The following KIF13A variants were observed in gnomAD, a reference collection of about 807,000 sequenced individuals.
The protein encoded by KIF13A is kinesin-like protein KIF13A.
A neutral mutation model predicts 212.2 loss-of-function variants in KIF13A; 79 were observed. That is an observed-to-expected ratio of 0.37 (90% CI 0.31 to 0.45). KIF13A has a LOEUF of 0.45. Among genes scored for constraint, KIF13A ranks in the 20% least tolerant of loss-of-function variants. The probability of loss-of-function intolerance (pLI) is 1.00; values close to 1 mark genes in which losing one functional copy is unlikely to be tolerated. For synonymous variants in KIF13A, 789 were observed against 808.6 expected (o/e 0.98, Z 0.41); for missense variants, 1,901 against 2,209.0 (o/e 0.86, Z 2.79).
chr6:17,825,208 C>T lies in KIF13A; in HGVS notation c.1786+560G>A, dbSNP rs947609658. 3.3e-5 allele frequency among the ~76,000 whole-genome samples: 5 copies of T among 152,138 alleles called. No individual in the cohort carries two copies. The highest frequency in any genetic ancestry group is 5.9e-5 in the Non-Finnish European group (4 of 68,030). ...ATAAGAAAGAAAAGGTAAAGGAACACGGACTTTTAGATGTGAAACTTGGTA... is the reference window on the plus strand; with the variant it reads ...ATAAGAAAGAAAAGGTAAAGGAACATGGACTTTTAGATGTGAAACTTGGTA... On this transcript the variant is annotated intron_variant, in intron 16 of 38. Coordinates refer to ENST00000259711, the MANE Select transcript of KIF13A (RefSeq NM_022113.6). This position sits in a 1 kb window ranked among gnomAD's most constrained non-coding sequence, Gnocchi z 4.5.
chr6:17,937,805 A>C (rs533195675), intron 2 of KIF13A, among the ~76,000 whole-genome samples: 1 of 150,166 alleles, frequency 6.7e-6, no homozygotes, highest in Non-Finnish European at 1.5e-5. Context: ...GCTGGAGTAC[A>C]GTGGCACAAT....
Position 17,849,882 on chromosome 6 carries a change from T to A in KIF13A, c.718-393A>T, listed in dbSNP as rs1767459030. Among the ~76,000 whole-genome samples the A allele has an allele frequency of 6.6e-6, 1 of 152,234 alleles. No homozygotes were observed. Among genetic ancestry groups the A allele is most frequent in the Admixed American group, 6.5e-5 (1 of 15,282 alleles). ...CCTCTTTAATATCCCTCAATGGCTA[T>A]GAAGCTGACATGTTTCCATGGGAAT... is the stretch of plus-strand genomic sequence containing the variant. On this transcript the variant is annotated intron_variant, in intron 8 of 38. Coordinates refer to ENST00000259711, the MANE Select transcript of KIF13A (RefSeq NM_022113.6). The surrounding 1 kb of genome is among the most constrained non-coding windows in gnomAD (Gnocchi z 5.7).
chr6:17,844,338 A>G (rs1439574298), intron 9 of KIF13A, among the ~76,000 whole-genome samples: 1 of 152,208 alleles, frequency 6.6e-6, no homozygotes, highest in Non-Finnish European at 1.5e-5. Flanking sequence ...TGGTAGAACA[A>G]TAGAGTACAT....
At chr6:17,813,584 C>G (rs553202805) in intron 17 of KIF13A, among the ~76,000 whole-genome samples, 37 of 152,286 alleles carry the variant, frequency 2.4e-4, no homozygotes, top group Non-Finnish European at 4.9e-4. Context: ...ATAATTGACT[C>G]TCTTCTCTTC....
At position 17,967,563 on chromosome 6, in the gene KIF13A, C is replaced by G. The variant is rs7755583; in HGVS notation, c.146+19491G>C. ...TCCGAAGTCTTTCTGGAAGACTGCA[C>G]GTGTCAGGAGCAGAGATGCCTGGTT... On this transcript the variant is annotated intron_variant, in intron 2 of 38. Coordinates refer to ENST00000259711, the MANE Select transcript of KIF13A (RefSeq NM_022113.6). This position sits in a 1 kb window ranked among gnomAD's most constrained non-coding sequence, Gnocchi z 4.1. Among the ~76,000 whole-genome samples the G allele has an allele frequency of 0.22, 33,632 of 152,166 alleles. 4,283 individuals are homozygous for G. Among genetic ancestry groups the G allele is most frequent in the African/African-American group, 0.35 (14,636 of 41,482 alleles).
chr6:17,915,423 G>A lies in KIF13A; in HGVS notation c.147-17243C>T, dbSNP rs1327218083. ...TTTTAAAAGCAGCAGAGTAACACACGCGATGCAAGGCCCCTCATTTTCAGC... is the reference window on the plus strand; with the variant it reads ...TTTTAAAAGCAGCAGAGTAACACACACGATGCAAGGCCCCTCATTTTCAGC... On this transcript the variant is annotated intron_variant, in intron 2 of 38. Transcript: ENST00000259711. This position sits in a 1 kb window ranked among gnomAD's most constrained non-coding sequence, Gnocchi z 4.4. Among the ~76,000 whole-genome samples the A allele has an allele frequency of 2.6e-5, 4 of 152,148 alleles. 1 individual carries two copies. Among genetic ancestry groups the A allele is most frequent in the Non-Finnish European group, 4.4e-5 (3 of 68,020 alleles).
At chr6:17,953,599 G>A (rs6907737) in intron 2 of KIF13A, 14,664 of 152,476 alleles carry the variant, frequency 0.096, 892 homozygotes, top group East Asian at 0.18. Flanking sequence ...TGCTGCTGGT[G>A]TCATGGATGT....
intron 25 of KIF13A, 134 bp from the exon 26 acceptor site, chr6:17,790,044 G>C: frequency 1.6e-6 from 1 of 633,128 alleles, no homozygotes; most frequent in Admixed American, 3.2e-5. Flanking sequence ...ACACTAAATT[G>C]AATCTCAAAA....
chr6:17,985,639 G>A (rs967295076), intron 2 of KIF13A, among the ~76,000 whole-genome samples: 1 of 98,542 alleles, frequency 1.0e-5, no homozygotes, highest in African/African-American at 4.6e-5. Context: ...TTGCGGGGGG[G>A]TGGGGGGAGG....
At chr6:17,957,375 T>C (rs907535376) in intron 2 of KIF13A, among the ~76,000 whole-genome samples, 3 of 152,182 alleles carry the variant, frequency 2.0e-5, no homozygotes, top group Non-Finnish European at 4.4e-5. Context: ...GCTCCTGTGC[T>C]AGGGATAGGG....
At chr6:17,795,481 G>A (rs1212441235) in intron 23 of KIF13A, among the ~76,000 whole-genome samples, 1 of 151,592 alleles carries the variant, frequency 6.6e-6, no homozygotes, top group Non-Finnish European at 1.5e-5. Flanking sequence ...TGTAAGCCCA[G>A]CTACTCAGGA....
chr6:17,859,638 A>ATTTTTTTTTTTTTTT (rs1176958380), intron 4 of KIF13A, among the ~76,000 whole-genome samples: 1 of 111,858 alleles, frequency 8.9e-6, no homozygotes, highest in Non-Finnish European at 1.8e-5. Context: ...ATATATATAT[A>ATTTTTTTTTTTTTTT]TTTTTTTTTT....
chr6:17,911,686 G>A lies in KIF13A; in HGVS notation c.147-13506C>T, dbSNP rs1481076615. Among the ~76,000 whole-genome samples, 134 of 104,156 alleles carry A rather than the reference G, an allele frequency of 1.3e-3. 2 individuals carry two copies. Among genetic ancestry groups the A allele is most frequent in the African/African-American group, 4.1e-3 (127 of 31,316 alleles). The allele number at this position is 104,156 out of a possible 152,430, so 68.3% of individuals were successfully genotyped here. A position where few individuals can be genotyped will look rare whatever the true frequency, so the allele number is the denominator to read the frequency against. On this transcript the variant is annotated intron_variant, in intron 2 of 38. Coordinates refer to ENST00000259711, the MANE Select transcript of KIF13A (RefSeq NM_022113.6). ...TGGGCCGGGGGTTGTGGCGGGGGGT[G>A]GTTAATGGGTTAAAAAAAAAAAAAA...
At position 17,777,396 on chromosome 6, in the gene KIF13A, TC is replaced by T; in HGVS notation, c.4093-43del. 2 of 1,437,584 alleles carry T rather than the reference TC, an allele frequency of 1.4e-6. No individual in the cohort carries two copies. Among genetic ancestry groups the T allele is most frequent in the South Asian group, 1.2e-5 (1 of 82,410 alleles). The allele number at this position is 1,437,584 out of a possible 1,614,324, so 89.1% of individuals were successfully genotyped here. On this transcript the variant is annotated intron_variant, in intron 33 of 38. Coordinates refer to ENST00000259711, the MANE Select transcript of KIF13A (RefSeq NM_022113.6). The surrounding 1 kb of genome is among the most constrained non-coding windows in gnomAD (Gnocchi z 4.4). ...TTGAAAATAACACTTTTTTTTTTTT[TC>T]CCCAGAGACAGAGTCTCACTCTGTT...
intron 2 of KIF13A, among the ~76,000 whole-genome samples, chr6:17,925,434 T>G (rs940081675): frequency 6.6e-6 from 1 of 152,132 alleles, no homozygotes; most frequent in African/African-American, 2.4e-5. Flanking sequence ...TTATTAGACA[T>G]CTAAATGAGA....
intron 7 of KIF13A, among the ~76,000 whole-genome samples, chr6:17,851,576 A>G (rs1767656902): frequency 6.6e-6 from 1 of 152,240 alleles, no homozygotes; most frequent in African/African-American, 2.4e-5. Context: ...CAGAAGTGAC[A>G]GAAACCAAGG....
Position 17,808,659 on chromosome 6 carries a change from G to C in KIF13A, c.2163+109C>G, listed in dbSNP as rs555187738. On this transcript the variant is annotated intron_variant, in intron 18 of 38. Coordinates refer to ENST00000259711, the MANE Select transcript of KIF13A (RefSeq NM_022113.6). Reference sequence around the variant, plus strand: ...GTCTTGAAAAAAATAAACATCTCTGGCTGATATCAGGATCTCCTCAGGCAT... The same window carrying C: ...GTCTTGAAAAAAATAAACATCTCTGCCTGATATCAGGATCTCCTCAGGCAT... The C allele has an allele frequency of 2.9e-4, 271 of 945,498 alleles. 4 individuals are homozygous for C. In the South Asian group the frequency reaches 3.6e-3, roughly 13 times the overall value. The allele number at this position is 945,498 out of a possible 1,614,324, so 58.6% of individuals were successfully genotyped here.
chr6:17,917,793 G>T (rs1388513699), intron 2 of KIF13A, among the ~76,000 whole-genome samples: 1 of 152,032 alleles, frequency 6.6e-6, no homozygotes, highest in East Asian at 1.9e-4. Flanking sequence ...ATGCCTTAAT[G>T]CACTTGGGAT....
rs1781443675 is a variant in KIF13A, at chr6:17,985,286, A to G, written c.146+1768T>C. Among the ~76,000 whole-genome samples the G allele has an allele frequency of 1.3e-5, 2 of 152,192 alleles. 1 individual carries two copies. The highest frequency in any genetic ancestry group is 4.8e-5 in the African/African-American group (2 of 41,444). ...TGAATAGATCCCAAAATCACCCTTC[A>G]AATCTTTACCTAAAAGATCCTGATT... On this transcript the variant is annotated intron_variant, in intron 2 of 38. Coordinates refer to ENST00000259711, the MANE Select transcript of KIF13A (RefSeq NM_022113.6).
Sources: allele counts gnomAD v4.1 joint callset (sites outside exome capture counted in the v4.1 genomes callset), GRCh38; gene constraint gnomAD v4.1.1; non-coding constraint Gnocchi (gnomAD v3.1); transcripts MANE v1.5; gene names NCBI Gene and HGNC (gene_info 2026-07-23, HGNC 2026-07-21).